Variants in PRKDC observed in about 807,000 individuals in gnomAD.
PRKDC encodes the protein protein kinase, DNA-activated, catalytic subunit, also known as DNA-dependent protein kinase catalytic subunit.
A neutral mutation model predicts 486.9 loss-of-function variants in PRKDC; 82 were observed. That is an observed-to-expected ratio of 0.17 (90% confidence interval 0.14 to 0.20). The LOEUF (loss-of-function observed/expected upper bound fraction) is 0.20. PRKDC is among the 10% of genes least tolerant of loss of function. The pLI, the probability that PRKDC is intolerant of heterozygous loss-of-function variation, is 1.00. For synonymous variants in PRKDC, 1,895 were observed against 1,837.0 expected, an observed-to-expected ratio of 1.03 and a Z score of -0.81; for missense variants, 4,504 against 5,038.2, an observed-to-expected ratio of 0.89 and a Z score of 3.21.
intron 25 of PRKDC, among the ~76,000 whole-genome samples, chr8:47,912,154 T>C (rs972231919): frequency 3.9e-5 from 6 of 152,184 alleles, no homozygotes; most frequent in Non-Finnish European, 5.9e-5. Context: ...TTTAGATGCC[T>C]GGACTCTCAG....
chr8:47,922,519 T>G (rs560983760), intron 21 of PRKDC, among the ~76,000 whole-genome samples: 39 of 151,740 alleles, frequency 2.6e-4, no homozygotes, highest in African/African-American at 8.9e-4. Flanking sequence ...TTGCCCAGAC[T>G]GGTCTCGAAC....
intron 85 of PRKDC, among the ~76,000 whole-genome samples, chr8:47,775,819 T>C (rs1326297084): frequency 6.6e-6 from 1 of 151,652 alleles, no homozygotes; most frequent in African/African-American, 2.4e-5. Context: ...TTTACTCCTA[T>C]TCCTTTTTTT....
rs1036745685 is a variant in PRKDC, at chr8:47,834,277, C to A, written c.8071G>T (p.Ala2691Ser). ...AHKRSERLQRAPLKSVGPDFG... is the reference protein window; with the variant it reads ...AHKRSERLQRSPLKSVGPDFG... ...TCAGGCCCCACTGACTTCAAGGGTG[C>A]TCTCTGTAACCTTTCACTCCTCTTG... Residue 2691 changes from alanine to serine, a missense_variant, in exon 59 of 86, where the codon GCA becomes TCA. Physicochemically the swap from Ala to Ser is moderately conservative, Grantham distance 99 (BLOSUM62 1). Transcript: ENST00000314191. 1 of 1,613,926 alleles carries A rather than the reference C, an allele frequency of 6.2e-7. No homozygotes were observed. Among genetic ancestry groups the A allele is most frequent in the Non-Finnish European group, 8.5e-7 (1 of 1,179,902 alleles).
chr8:47,860,795 T>C, intron 45 of PRKDC, 104 bp downstream of exon 45: 1 of 831,112 alleles, frequency 1.2e-6, no homozygotes, highest in Non-Finnish European at 1.9e-6. Context: ...AAGTATTTTC[T>C]ATTTACATAA....
intron 47 of PRKDC, 53 bp from the exon 48 acceptor site, chr8:47,858,688 A>C (rs1301688227): frequency 2.9e-5 from 42 of 1,445,618 alleles, no homozygotes; most frequent in Non-Finnish European, 3.7e-5. Flanking sequence ...ATAATGATAC[A>C]TTTTGATATT....
At chr8:47,935,992 A>T in intron 12 of PRKDC, 92 bp from the exon 13 acceptor site, 1 of 1,229,066 alleles carries the variant, frequency 8.1e-7, no homozygotes, top group South Asian at 1.7e-5. Context: ...CAACTGAATT[A>T]GATACTTATT....
At chr8:47,916,089 A>T (rs1392815829) in intron 22 of PRKDC, among the ~76,000 whole-genome samples, 1 of 152,192 alleles carries the variant, frequency 6.6e-6, no homozygotes, top group Non-Finnish European at 1.5e-5. Flanking sequence ...GATATTCCAA[A>T]TGTTGACACA....
Position 47,887,723 on chromosome 8 carries a change from C to A in PRKDC, c.4414-18G>T. The A allele has an allele frequency of 1.3e-6, 2 of 1,584,696 alleles. No homozygotes were observed. Among genetic ancestry groups the A allele is most frequent in the South Asian group, 1.2e-5 (1 of 84,654 alleles). On this transcript the variant is annotated intron_variant, in intron 34 of 85. Coordinates refer to ENST00000314191, the MANE Select transcript of PRKDC (RefSeq NM_006904.7). ...TCTGTGGACTAAAAGGAAGCCAACA[C>A]TGAAATGCCTAGCAAAAAGATATTT...
chr8:47,935,671 A>G (rs1380938936), intron 13 of PRKDC, 61 bp downstream of exon 13: 7 of 1,540,940 alleles, frequency 4.5e-6, no homozygotes, highest in African/African-American at 1.4e-5. Context: ...CTCTTTACCT[A>G]TATCAAATAA....
intron 52 of PRKDC, among the ~76,000 whole-genome samples, chr8:47,851,039 A>T (rs1463695246): frequency 1.3e-5 from 2 of 152,190 alleles, no homozygotes; most frequent in East Asian, 3.9e-4. Context: ...TGAACTCCTG[A>T]CCTCAAGTGA....
chr8:47,910,654 C>A (rs529329668), intron 25 of PRKDC, among the ~76,000 whole-genome samples: 12 of 152,244 alleles, frequency 7.9e-5, no homozygotes, highest in Admixed American at 1.3e-4. Flanking sequence ...TCAGATTATT[C>A]TTTTAAGTTC....
At chr8:47,950,553 C>T (rs148224270) in intron 7 of PRKDC, among the ~76,000 whole-genome samples, 7,555 of 149,476 alleles carry the variant, frequency 0.051, 648 homozygotes, top group African/African-American at 0.18. Context: ...GGCGTGAACC[C>T]GGAAGGGGGA....
At chr8:47,872,022 T>A (rs1162083724) in intron 40 of PRKDC, among the ~76,000 whole-genome samples, 1 of 152,234 alleles carries the variant, frequency 6.6e-6, no homozygotes, top group Admixed American at 6.5e-5. Flanking sequence ...GTAAACTACT[T>A]ATATTTTGAG....
chr8:47,906,216 G>A (rs958554994), intron 25 of PRKDC, among the ~76,000 whole-genome samples: 3 of 152,044 alleles, frequency 2.0e-5, no homozygotes, highest in African/African-American at 4.8e-5. Flanking sequence ...GCACGGTGGT[G>A]CGTGCCTGTA....
At chr8:47,944,690 T>C (rs2090501870) in intron 7 of PRKDC, among the ~76,000 whole-genome samples, 1 of 152,208 alleles carries the variant, frequency 6.6e-6, no homozygotes, top group South Asian at 2.1e-4. Flanking sequence ...CACCACATTA[T>C]TCATTGTAGC....
intron 68 of PRKDC, among the ~76,000 whole-genome samples, chr8:47,816,535 C>T (rs2087450348): frequency 6.6e-6 from 1 of 152,102 alleles, no homozygotes; most frequent in African/African-American, 2.4e-5. Context: ...ATGAAAGCAC[C>T]AAGGTTCATC....
chr8:47,950,384 G>A (rs143917680), intron 7 of PRKDC, among the ~76,000 whole-genome samples: 1,799 of 152,234 alleles, frequency 0.012, 48 homozygotes, highest in African/African-American at 0.04. Context: ...CCAGCACTTT[G>A]GGAGGCCGAG....
intron 83 of PRKDC, 89 bp from the exon 84 acceptor site, chr8:47,777,963 T>C: frequency 8.4e-7 from 1 of 1,189,622 alleles, no homozygotes; most frequent in South Asian, 1.4e-5. Flanking sequence ...ACATAGTTAC[T>C]GTTCACATTT....
chr8:47,896,735 G>A (rs889210232), intron 30 of PRKDC, among the ~76,000 whole-genome samples: 3 of 152,002 alleles, frequency 2.0e-5, no homozygotes, highest in Non-Finnish European at 4.4e-5. Flanking sequence ...ACATGGCACA[G>A]GGCTGTGACA....
Sources: gnomAD v4.1 joint callset for allele counts (sites outside exome capture counted in the v4.1 genomes callset) on GRCh38, gnomAD v4.1.1 for gene constraint, MANE v1.5 for transcripts, NCBI Gene and HGNC (gene_info 2026-07-23, HGNC 2026-07-21) for gene names.